DLGAP2: variants seen among roughly 807,000 people sequenced by gnomAD.
The protein encoded by DLGAP2 is DLG associated protein 2, also known as disks large-associated protein 2.
Under a neutral mutation model 100.3 loss-of-function variants are expected in DLGAP2, and 26 were observed. The observed-to-expected ratio is 0.26, with a 90% CI of 0.19 to 0.36. The LOEUF (loss-of-function observed/expected upper bound fraction) is 0.36, where lower values mean the gene tolerates loss of function less well. Among genes scored for constraint, DLGAP2 ranks in the 10% least tolerant of loss-of-function variants. DLGAP2 has a pLI of 1.00. For synonymous variants in DLGAP2, 886 were observed against 630.1 expected (o/e 1.41, Z -6.08); for missense variants, 1,858 against 1,453.2 (o/e 1.28, Z -4.53).
intron 2 of DLGAP2, among the ~76,000 whole-genome samples, chr8:1,107,928 A>C (rs927052643): frequency 1.3e-5 from 2 of 152,186 alleles, no homozygotes; most frequent in African/African-American, 4.8e-5. Flanking sequence ...CAGGATGTGC[A>C]CAGAACGTAA....
chr8:1,431,413 C>G (rs556339848), intron 3 of DLGAP2, among the ~76,000 whole-genome samples: 3 of 152,362 alleles, frequency 2.0e-5, no homozygotes, highest in Middle Eastern at 3.4e-3. Flanking sequence ...GGCGTCAGCA[C>G]TGTGTCAAGC....
chr8:1,482,403 A>G (rs1799122303), intron 3 of DLGAP2, among the ~76,000 whole-genome samples: 1 of 152,266 alleles, frequency 6.6e-6, no homozygotes, highest in Non-Finnish European at 1.5e-5. Flanking sequence ...CTAGAAACAT[A>G]GCCTAGCATT....
intron 2 of DLGAP2, among the ~76,000 whole-genome samples, chr8:1,054,217 T>C: frequency 6.6e-6 from 1 of 151,690 alleles, no homozygotes; most frequent in East Asian, 1.9e-4. Context: ...TCCACACGCA[T>C]GCGCACACAC....
intron 2 of DLGAP2, among the ~76,000 whole-genome samples, chr8:948,850 G>C (rs1239340949): frequency 1.3e-5 from 2 of 152,246 alleles, no homozygotes; most frequent in Admixed American, 6.5e-5. Flanking sequence ...GCGCGTCCTG[G>C]CCTGAAGCCA....
At chr8:1,456,620 G>A (rs1248550514) in intron 3 of DLGAP2, among the ~76,000 whole-genome samples, 1 of 152,212 alleles carries the variant, frequency 6.6e-6, no homozygotes. Flanking sequence ...TAATGAAAAA[G>A]TGTCACCAGA....
intron 14 of DLGAP2, among the ~76,000 whole-genome samples, chr8:1,700,904 G>A (rs998885461): frequency 6.6e-6 from 1 of 152,252 alleles, no homozygotes. Context: ...AGAGACGCAA[G>A]GTGCGAATCT....
At chr8:1,219,032 C>T (rs554938966) in intron 2 of DLGAP2, among the ~76,000 whole-genome samples, 21 of 152,196 alleles carry the variant, frequency 1.4e-4, no homozygotes, top group Admixed American at 3.3e-4. Context: ...GCAGAAACTG[C>T]GGGGTTTTCT....
intron 1 of DLGAP2, among the ~76,000 whole-genome samples, chr8:745,120 G>T (rs1429053604): frequency 1.3e-5 from 2 of 152,210 alleles, no homozygotes; most frequent in Admixed American, 1.3e-4. Context: ...TGTGGGTGCT[G>T]GAGACAAGCA....
intron 2 of DLGAP2, among the ~76,000 whole-genome samples, chr8:1,249,887 T>G (rs1046999514): frequency 7.9e-5 from 12 of 152,110 alleles, no homozygotes; most frequent in Non-Finnish European, 1.2e-4. Context: ...TTAACTTTAT[T>G]TTCTTTTTTT....
intron 12 of DLGAP2, among the ~76,000 whole-genome samples, chr8:1,690,703 C>CAAAAAAAAAAAAAAAAAAAA (rs71190752): frequency 8.1e-5 from 5 of 62,078 alleles, no homozygotes; most frequent in Non-Finnish European, 1.3e-4. Flanking sequence ...GACCCTATCT[C>CAAAAAAAAAAAAAAAAAAAA]AAAAAAAAAA....
chr8:1,147,973 T>C (rs993002262), intron 2 of DLGAP2, among the ~76,000 whole-genome samples: 1 of 152,248 alleles, frequency 6.6e-6, no homozygotes, highest in African/African-American at 2.4e-5. Context: ...GAATTAAAGT[T>C]AATCTGGCCT....
In DLGAP2 at chr8:1,376,164, C is replaced by G. The variant is rs115217764; in HGVS notation, c.106+117281C>G. On this transcript the variant is annotated intron_variant, in intron 3 of 14. Coordinates refer to ENST00000637795, the MANE Select transcript of DLGAP2 (RefSeq NM_001346810.2). ...CATTTGGGCTGTTTCTCAAATAAGA[C>G]AAACATCAGCCATGAAAGGAATCAG... Among the ~76,000 whole-genome samples the G allele has an allele frequency of 7.9e-3, 1,205 of 152,156 alleles. 20 individuals carry two copies. Among genetic ancestry groups the G allele is most frequent in the African/African-American group, 0.027 (1,130 of 41,402 alleles).
intron 1 of DLGAP2, among the ~76,000 whole-genome samples, chr8:780,311 A>G (rs939438743): frequency 5.3e-5 from 8 of 152,156 alleles, no homozygotes; most frequent in African/African-American, 1.9e-4. Flanking sequence ...CATTGTCATT[A>G]ATAACAGGAT....
At chr8:1,098,770 C>G (rs1804482804) in intron 2 of DLGAP2, among the ~76,000 whole-genome samples, 1 of 138,268 alleles carries the variant, frequency 7.2e-6, no homozygotes, top group African/African-American at 2.6e-5. Context: ...GGCGCCGCCA[C>G]CCACGCCAGG....
At position 819,407 on chromosome 8, in the gene DLGAP2, T is replaced by A. The variant is rs181367323; in HGVS notation, c.18+81582T>A. 5.1e-3 allele frequency among the ~76,000 whole-genome samples: 783 copies of A among 152,230 alleles called. 5 individuals are homozygous for A. The highest frequency in any genetic ancestry group is 0.011 in the Admixed American group (172 of 15,294). On this transcript the variant is annotated intron_variant, in intron 1 of 14. Transcript: ENST00000637795. ...AAGATATGATCAGAAACTCAACAGG[T>A]GCAGGAGTAAGTGGGAAAATGCTAA...
chr8:1,004,535 A>T (rs981807548), intron 2 of DLGAP2, among the ~76,000 whole-genome samples: 4 of 152,166 alleles, frequency 2.6e-5, no homozygotes, highest in Non-Finnish European at 5.9e-5. Context: ...GTCATCTGGA[A>T]TCTCCCTTTG....
chr8:975,952 G>C (rs1445168467), intron 2 of DLGAP2, among the ~76,000 whole-genome samples: 1 of 151,998 alleles, frequency 6.6e-6, no homozygotes, highest in African/African-American at 2.4e-5. Context: ...AAAATCCAAA[G>C]AATCAACAAA....
chr8:1,172,397 G>C (rs185050949), intron 2 of DLGAP2, among the ~76,000 whole-genome samples: 1 of 151,012 alleles, frequency 6.6e-6, no homozygotes, highest in Non-Finnish European at 1.5e-5. Flanking sequence ...GCTTTGTGGC[G>C]TTCTCTGTAT....
intron 2 of DLGAP2, among the ~76,000 whole-genome samples, chr8:924,918 G>A (rs977429863): frequency 1.3e-5 from 2 of 152,146 alleles, no homozygotes; most frequent in Non-Finnish European, 2.9e-5. Flanking sequence ...TCCAGACGTT[G>A]TGAAGGCCTG....
Sources: allele counts gnomAD v4.1 joint callset (sites outside exome capture counted in the v4.1 genomes callset), GRCh38; gene constraint gnomAD v4.1.1; transcripts MANE v1.5; gene names NCBI Gene and HGNC (gene_info 2026-07-23, HGNC 2026-07-21).